The following MON2 variants were observed in gnomAD, a reference collection of about 807,000 sequenced individuals.
The protein encoded by MON2 is MON2 regulator of endosome-to-Golgi trafficking.
A neutral mutation model predicts 208.6 loss-of-function variants in MON2; 84 were observed. That is an observed-to-expected ratio of 0.40 (90% CI 0.34 to 0.48). The LOEUF is 0.48. Among genes scored for constraint, MON2 ranks in the 20% least tolerant of loss-of-function variants. MON2 has a pLI of 0.59. For synonymous variants in MON2, 660 were observed against 694.0 expected (o/e 0.95, Z 0.77); for missense variants, 1,611 against 2,015.4 (o/e 0.80, Z 3.84).
At chr12:62,583,742 A>T (rs2075087841) in intron 32 of MON2, among the ~76,000 whole-genome samples, 1 of 151,578 alleles carries the variant, frequency 6.6e-6, no homozygotes, top group Admixed American at 6.6e-5. Flanking sequence ...TGAAGTCAAG[A>T]GTTCGAGACT....
intron 12 of MON2, 85 bp downstream of exon 12, chr12:62,532,755 C>A (rs2072715852): frequency 1.0e-6 from 1 of 973,864 alleles, no homozygotes; most frequent in Admixed American, 2.1e-5. Flanking sequence ...AATCTTTCAC[C>A]CTGACTTCTC....
intron 33 of MON2, 82 bp from the exon 34 acceptor site, chr12:62,587,992 T>C: frequency 1.2e-6 from 1 of 827,760 alleles, no homozygotes; most frequent in Non-Finnish European, 2.0e-6. Flanking sequence ...AGTTCATCTA[T>C]TTGTACAAAC....
At chr12:62,591,173 C>T (rs1394921950) in intron 34 of MON2, among the ~76,000 whole-genome samples, 1 of 152,020 alleles carries the variant, frequency 6.6e-6, no homozygotes, top group Non-Finnish European at 1.5e-5. Context: ...TTTAAAACTT[C>T]TTAGACAGTG....
intron 25 of MON2, 55 bp from the exon 26 acceptor site, chr12:62,560,436 A>T (rs79897712): frequency 6.6e-6 from 10 of 1,504,154 alleles, no homozygotes; most frequent in Non-Finnish European, 8.9e-6. Context: ...TCTAATATGA[A>T]GAGAAAATTT....
chr12:62,476,706 G>A (rs1386324219), intron 1 of MON2, among the ~76,000 whole-genome samples: 2 of 152,014 alleles, frequency 1.3e-5, no homozygotes, highest in African/African-American at 2.4e-5. Context: ...CAAAGTAGTG[G>A]GATTACAGGC....
chr12:62,502,365 C>T (rs2070885039), intron 7 of MON2, among the ~76,000 whole-genome samples: 1 of 150,044 alleles, frequency 6.7e-6, no homozygotes. Context: ...CAAGCCACTA[C>T]ATTCCAGCCT....
At chr12:62,530,870 G>T (rs1191511317) in intron 11 of MON2, among the ~76,000 whole-genome samples, 1 of 152,158 alleles carries the variant, frequency 6.6e-6, no homozygotes, top group Non-Finnish European at 1.5e-5. Context: ...TGTGAGGAGG[G>T]TTCAGATATC....
rs547695465 is a variant in MON2, at chr12:62,513,957, AAAAGAAAG to A, written c.984+5493_984+5500del. 2.0e-5 allele frequency among the ~76,000 whole-genome samples: 3 copies of A among 146,688 alleles called. 1 individual carries two copies. Among genetic ancestry groups the A allele is most frequent in the East Asian group, 4.3e-4 (2 of 4,666 alleles). On this transcript the variant is annotated intron_variant, in intron 8 of 34. Transcript: ENST00000393630. Reference sequence around the variant, plus strand: ...AGAGCGAGACTCCATCTCAAAAAAAAAAAGAAAGAAAGAAAGAAAGAAATGCCTTCTGC... The same window carrying A: ...AGAGCGAGACTCCATCTCAAAAAAAAAAAGAAAGAAAGAAATGCCTTCTGC...
chr12:62,590,481 G>A (rs1240325382), intron 34 of MON2, among the ~76,000 whole-genome samples: 1 of 152,158 alleles, frequency 6.6e-6, no homozygotes, highest in Admixed American at 6.5e-5. Flanking sequence ...ATCCAAAACT[G>A]TAAAATGATA....
chr12:62,568,487 C>T (rs1565695596), intron 29 of MON2, among the ~76,000 whole-genome samples: 1 of 151,650 alleles, frequency 6.6e-6, no homozygotes, highest in Non-Finnish European at 1.5e-5. Context: ...TACAGGTGGG[C>T]ACCACCACCC....
chr12:62,527,309 T>C (rs1389370980), intron 11 of MON2, among the ~76,000 whole-genome samples: 2 of 152,134 alleles, frequency 1.3e-5, no homozygotes, highest in African/African-American at 4.8e-5. Context: ...ATCATCAGTT[T>C]CTCTGGTGTG....
At chr12:62,591,963 T>G (rs1347671786) in intron 34 of MON2, among the ~76,000 whole-genome samples, 1 of 152,204 alleles carries the variant, frequency 6.6e-6, no homozygotes, top group East Asian at 1.9e-4. Context: ...ATATAACACT[T>G]TTGTCCTTTC....
chr12:62,503,072 A>T (rs1402071668), intron 7 of MON2, among the ~76,000 whole-genome samples: 2 of 152,224 alleles, frequency 1.3e-5, no homozygotes, highest in African/African-American at 4.8e-5. Flanking sequence ...TTGTATAAAT[A>T]ATAGTCATAG....
intron 30 of MON2, among the ~76,000 whole-genome samples, chr12:62,576,961 T>C (rs1425830950): frequency 6.6e-6 from 1 of 151,816 alleles, no homozygotes; most frequent in Admixed American, 6.6e-5. Flanking sequence ...TGTATATTTC[T>C]ATAAACACTA....
rs116533666 is a variant in MON2, at chr12:62,528,975, A to G, written c.1400+2873A>G. Among the ~76,000 whole-genome samples the G allele has an allele frequency of 2.9e-3, 435 of 152,182 alleles. 5 individuals are homozygous for G. Among genetic ancestry groups the G allele is most frequent in the African/African-American group, 9.9e-3 (412 of 41,528 alleles). ...ACCCAGATGTTAACCCCAGTACCCA[A>G]TAGTTACCTTTTCTGCTCCTCTTTC... is the stretch of plus-strand genomic sequence containing the variant. On this transcript the variant is annotated intron_variant, in intron 11 of 34. Coordinates refer to ENST00000393630, the MANE Select transcript of MON2 (RefSeq NM_015026.3).
intron 19 of MON2, 133 bp downstream of exon 19, chr12:62,538,638 A>G: frequency 3.1e-6 from 2 of 646,396 alleles, no homozygotes; most frequent in South Asian, 4.2e-5. Context: ...TTGGGTTTTT[A>G]CCACTTATCG....
chr12:62,576,544 T>C lies in MON2; in HGVS notation c.4515-1901T>C, dbSNP rs2074793098. 2.6e-5 allele frequency among the ~76,000 whole-genome samples: 4 copies of C among 152,068 alleles called. 1 individual carries two copies. The South Asian group carries it at 8.3e-4, about 31-fold the overall frequency. ...CAAAATACAAATAACACTTTATAAG[T>C]TTGAAGGCTCTTTTTTATTTTAAAT... On this transcript the variant is annotated intron_variant, in intron 30 of 34. Coordinates refer to ENST00000393630, the MANE Select transcript of MON2 (RefSeq NM_015026.3).
intron 1 of MON2, among the ~76,000 whole-genome samples, chr12:62,475,381 C>A (rs766709420): frequency 1.3e-5 from 2 of 151,738 alleles, no homozygotes; most frequent in Non-Finnish European, 2.9e-5. Flanking sequence ...GGATTACAGG[C>A]GCCCGCTATC....
intron 25 of MON2, among the ~76,000 whole-genome samples, chr12:62,559,218 ATTAT>A (rs1315091692): frequency 6.6e-6 from 1 of 152,154 alleles, no homozygotes; most frequent in Non-Finnish European, 1.5e-5. Context: ...TTAAACCTTG[ATTAT>A]TTATTTTACA....
Sources: allele counts gnomAD v4.1 joint callset (sites outside exome capture counted in the v4.1 genomes callset), GRCh38; gene constraint gnomAD v4.1.1; transcripts MANE v1.5; gene names NCBI Gene and HGNC (gene_info 2026-07-23, HGNC 2026-07-21).